The following PRKCG variants were observed in gnomAD, a reference collection of about 807,000 sequenced individuals.
PRKCG encodes protein kinase C gamma type.
In PRKCG, 28 loss-of-function variants were observed where a neutral mutation model predicts 82.0. The ratio of observed to expected loss-of-function variants is 0.34; its 90% confidence interval spans 0.25 to 0.47. PRKCG has a LOEUF of 0.47. Among genes scored for constraint, PRKCG ranks in the 20% least tolerant of loss-of-function variants. PRKCG has a pLI of 1.00. For synonymous variants in PRKCG, 383 were observed against 376.6 expected, an observed-to-expected ratio of 1.02 and a Z score of -0.20; for missense variants, 640 against 952.7, an observed-to-expected ratio of 0.67 and a Z score of 4.32.
At chr19:53,901,861 A>AAAG (rs1555808217) in intron 14 of PRKCG, among the ~76,000 whole-genome samples, 2 of 151,694 alleles carry the variant, frequency 1.3e-5, no homozygotes, top group African/African-American at 4.8e-5. Context: ...AAAAAAAAAA[A>AAAG]AAAAAGAAAA....
intron 3 of PRKCG, among the ~76,000 whole-genome samples, chr19:53,886,863 T>C (rs1356860536): frequency 6.6e-6 from 1 of 152,254 alleles, no homozygotes; most frequent in Non-Finnish European, 1.5e-5. Context: ...GTTGAATTCC[T>C]TGTTTGTAAA....
chr19:53,890,472 G>T lies in PRKCG; in HGVS notation c.529+455G>T, dbSNP rs111720361. ...GGGGTTTCACCATGTTAGCCAGGCT[G>T]GTCTCGAACTCCTGACCCCAGGTGA... On this transcript the variant is annotated intron_variant, in intron 5 of 17. Coordinates refer to ENST00000263431, the MANE Select transcript of PRKCG (RefSeq NM_002739.5). Among the ~76,000 whole-genome samples, 398 of 151,764 alleles carry T rather than the reference G, an allele frequency of 2.6e-3. 3 individuals carry two copies. Among genetic ancestry groups the T allele is most frequent in the African/African-American group, 9.2e-3 (383 of 41,416 alleles).
In PRKCG at chr19:53,882,500, T is replaced by C; in HGVS notation, c.6T>C (p.Ala2=). The change falls in exon 1 of 18, where the codon GCT becomes GCC. Residue 2 remains alanine, a synonymous_variant. Coordinates refer to ENST00000263431, the MANE Select transcript of PRKCG (RefSeq NM_002739.5). The surrounding 1 kb of genome is among the most constrained non-coding windows in gnomAD (Gnocchi z 6.1). The stretch of plus-strand genomic sequence containing the variant: ...CCTGCTACGTTTCTGGGGCCATGGC[T>C]GGTCTGGGCCCCGGCGTAGGCGATT... The part of the protein sequence containing the change: M[A]GLGPGVGDSE... The C allele has an allele frequency of 1.2e-6, 2 of 1,613,668 alleles. No individual in the cohort carries two copies. Among genetic ancestry groups the C allele is most frequent in the Non-Finnish European group, 1.7e-6 (2 of 1,179,778 alleles).
rs2068685333 is a variant in PRKCG at position 53,892,605 on chromosome 19, T to C, written c.783T>C (p.Phe261=). Residue 261 remains phenylalanine (F), a synonymous_variant, in exon 7 of 18, where the codon TTT becomes TTC. Coordinates refer to ENST00000263431, the MANE Select transcript of PRKCG (RefSeq NM_002739.5). This position sits in a 1 kb window ranked among gnomAD's most constrained non-coding sequence, Gnocchi z 5.9. The part of the protein sequence containing the change: ...SRNDFMGAMS[F]GVSELLKAPV... ...ACGACTTCATGGGGGCCATGTCCTT[T>C]GGCGTCTCGGAGCTGCTCAAGGCGC... 3 of 1,613,434 alleles carry C rather than the reference T, an allele frequency of 1.9e-6. No homozygotes were observed. Among genetic ancestry groups the C allele is most frequent in the Non-Finnish European group, 2.5e-6 (3 of 1,179,988 alleles).
In PRKCG at chr19:53,882,289, C is replaced by T. The variant is rs780097009; in HGVS notation, c.-206C>T. On this transcript the variant is annotated 5_prime_UTR_variant, in exon 1 of 18. Transcript: ENST00000263431. This position sits in a 1 kb window ranked among gnomAD's most constrained non-coding sequence, Gnocchi z 6.1. ...CTGCCTTTGGCTCTTCCTCCCCACT[C>T]GCCCGCTCCCCCTGGCGGAGCCGGC... 1 of 698,600 alleles carries T rather than the reference C, an allele frequency of 1.4e-6. No individual in the cohort carries two copies. Among genetic ancestry groups the T allele is most frequent in the Non-Finnish European group, 2.4e-6 (1 of 422,534 alleles). The allele number at this position is 698,600 out of a possible 1,614,324, so 43.3% of individuals were successfully genotyped here. A position where few individuals can be genotyped will look rare whatever the true frequency, so the allele number is the denominator to read the frequency against.
At position 53,893,344 on chromosome 19, in the gene PRKCG, C is replaced by T. The variant is rs986042857; in HGVS notation, c.910-18C>T. The T allele has an allele frequency of 1.9e-6, 3 of 1,612,322 alleles. No individual in the cohort carries two copies. Among genetic ancestry groups the T allele is most frequent in the African/African-American group, 2.7e-5 (2 of 74,860 alleles). ...CTGCATCTCTTGGGACCCTGACTCT[C>T]TCTTTCTTTTCTCCCAGGCTTGTAA... On this transcript the variant is annotated intron_variant, in intron 8 of 17. Coordinates refer to ENST00000263431, the MANE Select transcript of PRKCG (RefSeq NM_002739.5).
chr19:53,901,202 G>A (rs372080764), intron 14 of PRKCG, among the ~76,000 whole-genome samples: 3 of 152,166 alleles, frequency 2.0e-5, no homozygotes, highest in Admixed American at 6.5e-5. Flanking sequence ...TGTGTTGTAC[G>A]TGTTTCTCTG....
chr19:53,893,932 T>G (rs1038636818), intron 9 of PRKCG, among the ~76,000 whole-genome samples: 1 of 151,684 alleles, frequency 6.6e-6, no homozygotes, highest in Non-Finnish European at 1.5e-5. Context: ...TTTTTTTTTA[T>G]TTTTAGTAGA....
rs753654767 is a variant in PRKCG at position 53,882,611 on chromosome 19, C to T, written c.117C>T (p.Thr39=). 1.2e-6 allele frequency: 2 copies of T among 1,613,894 alleles called. No individual in the cohort carries two copies. The highest frequency in any genetic ancestry group is 1.7e-5 in the Admixed American group (1 of 60,022). Residue 39 remains threonine (T), a synonymous_variant, in exon 1 of 18, where the codon ACC becomes ACT. Coordinates refer to ENST00000263431, the MANE Select transcript of PRKCG (RefSeq NM_002739.5). The surrounding 1 kb of genome is among the most constrained non-coding windows in gnomAD (Gnocchi z 6.1). ...VVHEVKSHKF[T]ARFFKQPTFC... ...ACGAAGTCAAGAGCCACAAGTTCAC[C>T]GCTCGCTTCTTCAAGCAGCCCACCT... is the stretch of plus-strand genomic sequence containing the variant.
intron 9 of PRKCG, among the ~76,000 whole-genome samples, chr19:53,897,498 G>T (rs944274134): frequency 6.6e-5 from 10 of 152,192 alleles, no homozygotes; most frequent in African/African-American, 2.2e-4. Flanking sequence ...AGAAAATCTG[G>T]CAGTGGGACC....
intron 11 of PRKCG, among the ~76,000 whole-genome samples, chr19:53,899,510 G>C (rs1447939065): frequency 6.6e-6 from 1 of 152,170 alleles, no homozygotes; most frequent in Non-Finnish European, 1.5e-5. Flanking sequence ...ATTTTAAGAG[G>C]GCGTGACTTT....
In PRKCG at chr19:53,889,857, G is replaced by C. The variant is rs565727875; in HGVS notation, c.398-29G>C. 2.3e-5 allele frequency: 36 copies of C among 1,572,558 alleles called. No individual in the cohort carries two copies. In the East Asian group the frequency reaches 8.3e-4, roughly 36 times the overall value. On this transcript the variant is annotated intron_variant, in intron 4 of 17. Coordinates refer to ENST00000263431, the MANE Select transcript of PRKCG (RefSeq NM_002739.5). The surrounding 1 kb of genome is among the most constrained non-coding windows in gnomAD (Gnocchi z 4.4). ...GAGTCTTGGCTTGGGGGCGGGGCCT[G>C]AGGTGCTACCCGCAGCTTTCCCCTC...
chr19:53,891,603 T>G, intron 5 of PRKCG, 71 bp from the exon 6 acceptor site: 1 of 1,581,270 alleles, frequency 6.3e-7, no homozygotes, highest in Non-Finnish European at 8.7e-7. Flanking sequence ...TCTTGATTGC[T>G]GACTGGAGGA....
chr19:53,883,064 C>A lies in PRKCG; in HGVS notation c.171-99C>A. On this transcript the variant is annotated intron_variant, in intron 1 of 17. Transcript: ENST00000263431. This position sits in a 1 kb window ranked among gnomAD's most constrained non-coding sequence, Gnocchi z 5.4. ...CCGGGGCTTGGACACCTGGGCCCTG[C>A]GGGAGGAGGGTCAGAGAGCGCAGGC... The A allele has an allele frequency of 2.0e-6, 3 of 1,488,406 alleles. No individual in the cohort carries two copies. In the East Asian group the frequency reaches 6.8e-5, roughly 34 times the overall value. 92.2% of individuals were successfully genotyped at this position (1,488,406 alleles called of 1,614,324 possible). A position where few individuals can be genotyped will look rare whatever the true frequency, so the allele number is the denominator to read the frequency against.
rs1432667775 is a variant in PRKCG at position 53,892,399 on chromosome 19, G to A, written c.687-110G>A. 3.3e-6 allele frequency: 5 copies of A among 1,502,664 alleles called. No individual in the cohort carries two copies. Among genetic ancestry groups the A allele is most frequent in the Non-Finnish European group, 4.5e-6 (5 of 1,118,100 alleles). The allele number at this position is 1,502,664 out of a possible 1,614,324, so 93.1% of individuals were successfully genotyped here. On this transcript the variant is annotated intron_variant, in intron 6 of 17. Transcript: ENST00000263431. The surrounding 1 kb of genome is among the most constrained non-coding windows in gnomAD (Gnocchi z 5.9). The stretch of plus-strand genomic sequence containing the variant: ...CAGAGGTCGGAGACCGACAAAGCAG[G>A]AGAGGAGCCCCAGCTGGCTGGGTTT...
chr19:53,890,039 T>C (rs1179315420), intron 5 of PRKCG, 22 bp downstream of exon 5: 3 of 1,545,936 alleles, frequency 1.9e-6, no homozygotes, highest in Non-Finnish European at 1.7e-6. Flanking sequence ...CCCCCTCGCC[T>C]GGCCCCGCCC....
At position 53,883,061 on chromosome 19, in the gene PRKCG, C is replaced by T; in HGVS notation, c.171-102C>T. ...TGGCCGGGGCTTGGACACCTGGGCC[C>T]TGCGGGAGGAGGGTCAGAGAGCGCA... is the stretch of plus-strand genomic sequence containing the variant. On this transcript the variant is annotated intron_variant, in intron 1 of 17. Transcript: ENST00000263431. The surrounding 1 kb of genome is among the most constrained non-coding windows in gnomAD (Gnocchi z 5.4). 6.7e-7 allele frequency: 1 copy of T among 1,484,968 alleles called. No individual in the cohort carries two copies. The highest frequency in any genetic ancestry group is 1.1e-5 in the South Asian group (1 of 88,444). 92.0% of individuals were successfully genotyped at this position (1,484,968 alleles called of 1,614,324 possible).
chr19:53,888,377 G>A (rs990515422), intron 3 of PRKCG, among the ~76,000 whole-genome samples: 3 of 152,142 alleles, frequency 2.0e-5, no homozygotes, highest in African/African-American at 7.2e-5. Context: ...ATTGTCCCGG[G>A]GGTAGTGGGT....
chr19:53,895,875 C>T (rs1406066832), intron 9 of PRKCG, among the ~76,000 whole-genome samples: 9 of 151,970 alleles, frequency 5.9e-5, no homozygotes, highest in South Asian at 2.1e-4. Context: ...CTGGCTAACA[C>T]GGTGAATCCC....
Sources: allele counts gnomAD v4.1 joint callset (sites outside exome capture counted in the v4.1 genomes callset), GRCh38; gene constraint gnomAD v4.1.1; non-coding constraint Gnocchi (gnomAD v3.1); transcripts MANE v1.5; gene names NCBI Gene and HGNC (gene_info 2026-07-23, HGNC 2026-07-21).